The following LRRFIP2 variants were observed in gnomAD, a reference collection of about 807,000 sequenced individuals.
The protein encoded by LRRFIP2 is leucine-rich repeat flightless-interacting protein 2.
Under a neutral mutation model 125.9 loss-of-function variants are expected in LRRFIP2, and 109 were observed. The ratio of observed to expected loss-of-function variants is 0.87; its 90% CI spans 0.74 to 1.01. The LOEUF is 1.01. Among genes scored for constraint, LRRFIP2 ranks in the 50% least tolerant of loss-of-function variants. The pLI, the probability that LRRFIP2 is intolerant of heterozygous loss-of-function variation, is 0.00. For synonymous variants in LRRFIP2, 291 were observed against 293.1 expected (o/e 0.99, Z 0.07); for missense variants, 850 against 862.3 (o/e 0.99, Z 0.18).
intron 18 of LRRFIP2, among the ~76,000 whole-genome samples, chr3:37,087,505 T>C (rs2093133694): frequency 6.6e-6 from 1 of 152,206 alleles, no homozygotes; most frequent in Non-Finnish European, 1.5e-5. Flanking sequence ...CAAAAGACTG[T>C]TTTAAACAGA....
chr3:37,147,971 A>G (rs1320331258), intron 2 of LRRFIP2, among the ~76,000 whole-genome samples: 1 of 152,214 alleles, frequency 6.6e-6, no homozygotes, highest in Non-Finnish European at 1.5e-5. Context: ...ACCAGCTAAC[A>G]GAATTAAACA....
intron 24 of LRRFIP2, among the ~76,000 whole-genome samples, chr3:37,059,647 C>T (rs899805692): frequency 6.6e-6 from 1 of 151,984 alleles, no homozygotes. Context: ...ATTAGTGGGG[C>T]ATGGTGGCAC....
At chr3:37,066,436 GA>G (rs1014558321) in intron 21 of LRRFIP2, 111 bp from the exon 22 acceptor site, 13 of 829,054 alleles carry the variant, frequency 1.6e-5, no homozygotes, top group Non-Finnish European at 2.7e-5. Context: ...TAAAAAGCAA[GA>G]AAGCAGTCAA....
At chr3:37,081,690 C>T (rs1576264833) in intron 19 of LRRFIP2, among the ~76,000 whole-genome samples, 1 of 151,538 alleles carries the variant, frequency 6.6e-6, no homozygotes, top group East Asian at 1.9e-4. Flanking sequence ...TCGAGACCAG[C>T]CTGGGCAACA....
chr3:37,150,165 A>G (rs1453540514), intron 1 of LRRFIP2, among the ~76,000 whole-genome samples: 1 of 152,204 alleles, frequency 6.6e-6, no homozygotes, highest in East Asian at 1.9e-4. Flanking sequence ...ATATAGTCAA[A>G]TGATTAAGAA....
intron 15 of LRRFIP2, among the ~76,000 whole-genome samples, chr3:37,099,980 C>T (rs1027931216): frequency 2.0e-5 from 3 of 152,010 alleles, no homozygotes; most frequent in Admixed American, 6.6e-5. Flanking sequence ...TCCAGGTCAC[C>T]GTTTTTTGAA....
At chr3:37,093,708 T>C (rs2093585700) in intron 17 of LRRFIP2, among the ~76,000 whole-genome samples, 2 of 152,188 alleles carry the variant, frequency 1.3e-5, no homozygotes, top group Admixed American at 6.5e-5. Flanking sequence ...TATCCCACAG[T>C]TGTCAGGGTA....
At chr3:37,100,350 G>A (rs978027849) in intron 15 of LRRFIP2, among the ~76,000 whole-genome samples, 19 of 145,400 alleles carry the variant, frequency 1.3e-4, no homozygotes, top group South Asian at 2.1e-4. Context: ...GTATGTATGC[G>A]TATATATATA....
chr3:37,143,506 T>A, intron 2 of LRRFIP2: 1 of 246,382 alleles, frequency 4.1e-6, no homozygotes, highest in South Asian at 6.8e-5. Flanking sequence ...TCATCTGGCA[T>A]TAACACTTGA....
Position 37,109,768 on chromosome 3 carries a change from T to A in LRRFIP2, c.514-65A>T, listed in dbSNP as rs1380225847. 2.1e-6 allele frequency: 3 copies of A among 1,400,760 alleles called. No homozygotes were observed. The African/African-American group carries it at 4.3e-5, about 20-fold the overall frequency. The allele number at this position is 1,400,760 out of a possible 1,614,324, so 86.8% of individuals were successfully genotyped here. A position where few individuals can be genotyped will look rare whatever the true frequency, so the allele number is the denominator to read the frequency against. On this transcript the variant is annotated intron_variant, in intron 9 of 27. Coordinates refer to ENST00000336686, the MANE Select transcript of LRRFIP2 (RefSeq NM_006309.4). ...CAAAGATGAATTGGTCTCACCATCA[T>A]GAATGCAGAGGACTTAAGTTTATGA...
At chr3:37,059,091 A>G (rs1018734231) in intron 24 of LRRFIP2, among the ~76,000 whole-genome samples, 181 bp from the exon 25 acceptor site, 4 of 152,366 alleles carry the variant, frequency 2.6e-5, no homozygotes, top group Admixed American at 1.3e-4. Context: ...AAGATAAGCT[A>G]CGAACAAACA....
chr3:37,111,101 CTAAATGT>C lies in LRRFIP2; in HGVS notation c.439-43_439-37del, dbSNP rs773715177. On this transcript the variant is annotated intron_variant, in intron 8 of 27. Coordinates refer to ENST00000336686, the MANE Select transcript of LRRFIP2 (RefSeq NM_006309.4). Reference sequence around the variant, plus strand: ...CAAAATTAAACACATTTTTCTTAGGCTAAATGTTAATAACCTAACAACACACAAAGGC... The same window carrying C: ...CAAAATTAAACACATTTTTCTTAGGCTAATAACCTAACAACACACAAAGGC... 2.7e-5 allele frequency: 42 copies of C among 1,559,212 alleles called. No homozygotes were observed. The South Asian group carries it at 4.4e-4, about 16-fold the overall frequency.
At chr3:37,150,470 A>G (rs774065322) in intron 1 of LRRFIP2, among the ~76,000 whole-genome samples, 7 of 152,028 alleles carry the variant, frequency 4.6e-5, no homozygotes, top group Non-Finnish European at 1.0e-4. Flanking sequence ...CTCGAAATAT[A>G]AAAAAAAGAA....
chr3:37,129,240 G>A lies in LRRFIP2; in HGVS notation c.91-91C>T, dbSNP rs112215526. On this transcript the variant is annotated intron_variant, in intron 2 of 27. Transcript: ENST00000336686. ...AAAATAAAGAATGGGACATTACCACGCAAAAGGGGTGGGCAGGAGAAGATA... is the reference window on the plus strand; with the variant it reads ...AAAATAAAGAATGGGACATTACCACACAAAAGGGGTGGGCAGGAGAAGATA... The A allele has an allele frequency of 8.0e-4, 833 of 1,046,934 alleles. 4 individuals carry two copies. In the African/African-American group the frequency reaches 0.012, roughly 15 times the overall value. The allele number at this position is 1,046,934 out of a possible 1,614,324, so 64.9% of individuals were successfully genotyped here. A position where few individuals can be genotyped will look rare whatever the true frequency, so the allele number is the denominator to read the frequency against.
chr3:37,162,170 A>G (rs2096364984), intron 1 of LRRFIP2, among the ~76,000 whole-genome samples: 1 of 150,814 alleles, frequency 6.6e-6, no homozygotes, highest in East Asian at 1.9e-4. Flanking sequence ...AAAAAAAAAA[A>G]AAAAAAAGAA....
chr3:37,076,332 CTGGG>C (rs2092008508), intron 19 of LRRFIP2, among the ~76,000 whole-genome samples: 1 of 151,558 alleles, frequency 6.6e-6, no homozygotes, highest in South Asian at 2.1e-4. Context: ...AAGACCCTGC[CTGGG>C]CAACATGGCA....
At chr3:37,061,342 C>G (rs570300987) in intron 24 of LRRFIP2, among the ~76,000 whole-genome samples, 2 of 151,982 alleles carry the variant, frequency 1.3e-5, no homozygotes, top group South Asian at 4.1e-4. Flanking sequence ...TGACAACATA[C>G]TTCCTCTACA....
chr3:37,111,338 T>C (rs1157599470), intron 8 of LRRFIP2, among the ~76,000 whole-genome samples: 2 of 152,218 alleles, frequency 1.3e-5, no homozygotes, highest in East Asian at 3.8e-4. Context: ...CATGCCATAC[T>C]TAAGAAAGTC....
chr3:37,073,782 C>G (rs1323469693), intron 20 of LRRFIP2, among the ~76,000 whole-genome samples: 1 of 152,064 alleles, frequency 6.6e-6, no homozygotes, highest in African/African-American at 2.4e-5. Flanking sequence ...TACTAGAACA[C>G]TTTACCAGTC....
Sources: gnomAD v4.1 joint callset for allele counts (sites outside exome capture counted in the v4.1 genomes callset) on GRCh38, gnomAD v4.1.1 for gene constraint, MANE v1.5 for transcripts, NCBI Gene and HGNC (gene_info 2026-07-23, HGNC 2026-07-21) for gene names.